The following SLC44A5 variants were observed in gnomAD, a reference collection of about 807,000 sequenced individuals.
SLC44A5 encodes solute carrier family 44 member 5, also known as choline transporter-like protein 5.
In SLC44A5, 57 loss-of-function variants were observed where a neutral mutation model predicts 101.8. That is an observed-to-expected ratio of 0.56 (90% confidence interval 0.45 to 0.70). The LOEUF (loss-of-function observed/expected upper bound fraction) is 0.70, where lower values mean the gene tolerates loss of function less well. Among genes scored for constraint, SLC44A5 ranks in the 30% least tolerant of loss-of-function variants. The pLI, the probability that SLC44A5 is intolerant of heterozygous loss-of-function variation, is 0.00. For missense variants in SLC44A5, 737 were observed against 853.1 expected (o/e 0.86, Z 1.70); for synonymous variants, 281 against 290.9 (o/e 0.97, Z 0.35).
intron 1 of SLC44A5, among the ~76,000 whole-genome samples, chr1:75,558,324 A>T (rs1438164004): frequency 6.6e-6 from 1 of 152,154 alleles, no homozygotes; most frequent in Non-Finnish European, 1.5e-5. Flanking sequence ...AGGACAAAAC[A>T]TTGCCAAAGA....
the SLC44A5 span, chr1:75,642,016 G>A: frequency 3.4e-6 from 5 of 1,454,412 alleles, no homozygotes; most frequent in Non-Finnish European, 4.8e-6. Context: ...CATGGTGGAA[G>A]AAATGTTGAT....
At chr1:75,243,565 AT>A (rs1273028897) in intron 7 of SLC44A5, among the ~76,000 whole-genome samples, 3 of 152,090 alleles carry the variant, frequency 2.0e-5, no homozygotes, top group Non-Finnish European at 4.4e-5. Context: ...CTTATTTTTA[AT>A]TTTTGATTTT....
At chr1:75,314,166 C>G (rs1655518468) in intron 4 of SLC44A5, among the ~76,000 whole-genome samples, 1 of 152,144 alleles carries the variant, frequency 6.6e-6, no homozygotes, top group South Asian at 2.1e-4. Context: ...TAAACATTTA[C>G]AGTTTATTCC....
chr1:75,265,310 C>T (rs1354559329), intron 6 of SLC44A5, among the ~76,000 whole-genome samples: 1 of 151,866 alleles, frequency 6.6e-6, no homozygotes, highest in Non-Finnish European at 1.5e-5. Context: ...AACAAACAAA[C>T]AAAAAAACAC....
intron 22 of SLC44A5, among the ~76,000 whole-genome samples, chr1:75,212,435 C>T (rs1333227676): frequency 2.0e-5 from 3 of 152,106 alleles, no homozygotes; most frequent in African/African-American, 7.2e-5. Flanking sequence ...TAAGTGAGAA[C>T]ATGCAGCATT....
At chr1:75,412,580 C>A (rs1663351418) in intron 2 of SLC44A5, among the ~76,000 whole-genome samples, 1 of 152,174 alleles carries the variant, frequency 6.6e-6, no homozygotes, top group Non-Finnish European at 1.5e-5. Context: ...TCCAAAATTT[C>A]TTCTCTGGTA....
chr1:75,595,107 G>A (rs999134425), intron 1 of SLC44A5, among the ~76,000 whole-genome samples: 8 of 152,008 alleles, frequency 5.3e-5, no homozygotes, highest in Admixed American at 2.0e-4. Context: ...AGAAAGGGAG[G>A]TAGGGAGGTA....
Position 75,433,651 on chromosome 1 carries a change from T to C in SLC44A5, c.14-37030A>G, listed in dbSNP as rs184563991. ...TTTCTTTCTTCATCTCTTAGATCTG[T>C]CTTTCTAAATTCCTTTTGTACCTCT... On this transcript the variant is annotated intron_variant, in intron 2 of 23. Transcript: ENST00000370859. 5.3e-5 allele frequency among the ~76,000 whole-genome samples: 8 copies of C among 152,284 alleles called. No individual in the cohort carries two copies. The East Asian group carries it at 1.5e-3, about 29-fold the overall frequency.
intron 13 of SLC44A5, among the ~76,000 whole-genome samples, chr1:75,223,646 A>G (rs976643427): frequency 1.3e-5 from 2 of 152,170 alleles, no homozygotes; most frequent in African/African-American, 4.8e-5. Flanking sequence ...TCATGCTTGA[A>G]CAGTTCTGTT....
chr1:75,407,996 AACTT>A (rs1309531278), intron 2 of SLC44A5, among the ~76,000 whole-genome samples: 2 of 152,252 alleles, frequency 1.3e-5, no homozygotes, highest in Non-Finnish European at 2.9e-5. Flanking sequence ...ATCTACAAGA[AACTT>A]ACACAAATTT....
intron 1 of SLC44A5, among the ~76,000 whole-genome samples, chr1:75,545,129 T>C (rs1570579357): frequency 1.3e-5 from 2 of 152,158 alleles, no homozygotes; most frequent in South Asian, 2.1e-4. Context: ...GTTCTTGTGA[T>C]AGTTTGCTGA....
chr1:75,321,507 G>A (rs1172134200), intron 4 of SLC44A5, among the ~76,000 whole-genome samples: 7 of 151,794 alleles, frequency 4.6e-5, no homozygotes, highest in Admixed American at 3.9e-4. Flanking sequence ...CTTCTTACAA[G>A]GGCACTAATC....
intron 2 of SLC44A5, among the ~76,000 whole-genome samples, chr1:75,523,016 A>G (rs777554598): frequency 6.6e-6 from 1 of 152,196 alleles, no homozygotes; most frequent in South Asian, 2.1e-4. Context: ...AAATGAATGC[A>G]TATTTAGCAC....
At chr1:75,292,770 G>C (rs1653664952) in intron 5 of SLC44A5, among the ~76,000 whole-genome samples, 4 of 152,226 alleles carry the variant, frequency 2.6e-5, no homozygotes, top group Admixed American at 2.6e-4. Flanking sequence ...GGCAGGAGGT[G>C]AAGGAGGAAG....
chr1:75,307,357 A>T (rs917934844), intron 4 of SLC44A5, among the ~76,000 whole-genome samples: 5 of 152,150 alleles, frequency 3.3e-5, no homozygotes, highest in Non-Finnish European at 5.9e-5. Context: ...GTCATCTGTT[A>T]CTGCTCTGAT....
At chr1:75,565,801 A>C (rs572964601) in intron 1 of SLC44A5, among the ~76,000 whole-genome samples, 42 of 152,344 alleles carry the variant, frequency 2.8e-4, no homozygotes, top group African/African-American at 9.6e-4. Flanking sequence ...ATTTATGCAA[A>C]GTGTCTGACA....
At chr1:75,496,558 AT>A (rs200342487) in intron 2 of SLC44A5, among the ~76,000 whole-genome samples, 6 of 150,786 alleles carry the variant, frequency 4.0e-5, no homozygotes, top group Admixed American at 6.6e-5. Flanking sequence ...CTTGATGAAG[AT>A]TTTTTTTTGC....
At chr1:75,238,462 G>C (rs1648322714) in intron 10 of SLC44A5, 51 bp downstream of exon 10, 3 of 1,484,138 alleles carry the variant, frequency 2.0e-6, no homozygotes, top group Non-Finnish European at 2.7e-6. Flanking sequence ...TTAGTCTCGA[G>C]TGCAATAACA....
intron 2 of SLC44A5, among the ~76,000 whole-genome samples, chr1:75,477,245 C>T (rs1306634181): frequency 6.6e-6 from 1 of 152,134 alleles, no homozygotes; most frequent in African/African-American, 2.4e-5. Context: ...ACGCCAAAAA[C>T]CCATCTGTAC....
Sources: allele counts gnomAD v4.1 joint callset (sites outside exome capture counted in the v4.1 genomes callset), GRCh38; gene constraint gnomAD v4.1.1; transcripts MANE v1.5; gene names NCBI Gene and HGNC (gene_info 2026-07-23, HGNC 2026-07-21).